TMEM132B: variants seen among roughly 807,000 people sequenced by gnomAD.
TMEM132B encodes the protein transmembrane protein 132B.
In TMEM132B, 18 loss-of-function variants were observed where a neutral mutation model predicts 90.8. The ratio of observed to expected loss-of-function variants is 0.20; its 90% CI spans 0.14 to 0.29. The LOEUF is 0.29. Ranked by LOEUF, TMEM132B falls within the 10% of genes least tolerant of loss-of-function variation. TMEM132B has a pLI of 1.00. For missense variants in TMEM132B, 1,096 were observed against 1,326.8 expected, an observed-to-expected ratio of 0.83 and a Z score of 2.70; for synonymous variants, 504 against 523.3, an observed-to-expected ratio of 0.96 and a Z score of 0.50.
intron 2 of TMEM132B, among the ~76,000 whole-genome samples, chr12:125,387,628 A>G (rs377073429): frequency 1.1e-4 from 16 of 152,338 alleles, no homozygotes; most frequent in African/African-American, 3.8e-4. Context: ...CCAGTTTGTA[A>G]ATACCACCTA....
At chr12:125,423,115 C>T (rs1478813000) in intron 3 of TMEM132B, among the ~76,000 whole-genome samples, 1 of 152,090 alleles carries the variant, frequency 6.6e-6, no homozygotes, top group Non-Finnish European at 1.5e-5. Flanking sequence ...AGAAAAGTCT[C>T]CAGGTGATTT....
chr12:125,405,797 C>G (rs146211264), intron 2 of TMEM132B, among the ~76,000 whole-genome samples: 1 of 152,236 alleles, frequency 6.6e-6, no homozygotes, highest in African/African-American at 2.4e-5. Flanking sequence ...AGGTAAAGCA[C>G]GAGAAAATTT....
intron 4 of TMEM132B, among the ~76,000 whole-genome samples, chr12:125,583,140 A>G (rs771337755): frequency 1.1e-4 from 17 of 152,212 alleles, no homozygotes; most frequent in Non-Finnish European, 1.8e-4. Context: ...CTGAGAGAAG[A>G]TGGCTTGAGT....
intron 1 of TMEM132B, among the ~76,000 whole-genome samples, chr12:125,258,675 C>T (rs192698316): frequency 1.3e-5 from 2 of 152,270 alleles, no homozygotes; most frequent in Non-Finnish European, 1.5e-5. Flanking sequence ...ATAGACCCCA[C>T]TTCTTGGTGG....
intron 3 of TMEM132B, among the ~76,000 whole-genome samples, chr12:125,417,756 A>G (rs536803621): frequency 2.2e-4 from 33 of 152,290 alleles, no homozygotes; most frequent in African/African-American, 7.0e-4. Flanking sequence ...AGCTCCCAGC[A>G]AACATCTGCT....
At chr12:125,297,010 CCTT>C (rs1875687801) in intron 1 of TMEM132B, among the ~76,000 whole-genome samples, 1 of 152,216 alleles carries the variant, frequency 6.6e-6, no homozygotes, top group Admixed American at 6.5e-5. Flanking sequence ...GTCCATCCGT[CCTT>C]CTGAGAGAGC....
At chr12:125,540,798 T>C (rs913426713) in intron 4 of TMEM132B, among the ~76,000 whole-genome samples, 2 of 152,234 alleles carry the variant, frequency 1.3e-5, no homozygotes, top group African/African-American at 4.8e-5. Context: ...CTCTGATCCA[T>C]TGTTCCACTG....
chr12:125,263,252 C>A (rs1874609817), intron 1 of TMEM132B, among the ~76,000 whole-genome samples: 1 of 152,154 alleles, frequency 6.6e-6, no homozygotes, highest in African/African-American at 2.4e-5. Context: ...GTGGAATGAA[C>A]ATTTGATGGG....
intron 1 of TMEM132B, among the ~76,000 whole-genome samples, chr12:125,285,577 G>T (rs1277318566): frequency 1.3e-5 from 2 of 152,156 alleles, no homozygotes; most frequent in African/African-American, 4.8e-5. Flanking sequence ...CAAAGCACAT[G>T]GTGAAATTTC....
chr12:125,287,544 T>C (rs751709427), intron 1 of TMEM132B, among the ~76,000 whole-genome samples: 3 of 152,234 alleles, frequency 2.0e-5, no homozygotes, highest in Non-Finnish European at 2.9e-5. Context: ...TTAATCTCCC[T>C]GCCCAAATAA....
At chr12:125,609,460 T>C (rs749415009) in intron 5 of TMEM132B, among the ~76,000 whole-genome samples, 4 of 152,142 alleles carry the variant, frequency 2.6e-5, no homozygotes, top group Non-Finnish European at 5.9e-5. Flanking sequence ...GGAATTTTGA[T>C]AGAAATTGCA....
At chr12:125,634,489 G>T (rs1886437125) in intron 5 of TMEM132B, among the ~76,000 whole-genome samples, 1 of 152,206 alleles carries the variant, frequency 6.6e-6, no homozygotes, top group Non-Finnish European at 1.5e-5. Flanking sequence ...TTCTTAAGCA[G>T]GAATCTTGTC....
In TMEM132B at chr12:125,460,258, AG is replaced by A. The variant is rs1402884656; in HGVS notation, c.1106+44583del. ...GTAATCCCAGCACTTTGGGAGGCCG[AG>A]GTGGGTGGATCACCTGAGGTCAGGA... On this transcript the variant is annotated intron_variant, in intron 3 of 8. Coordinates refer to ENST00000682704, the MANE Select transcript of TMEM132B (RefSeq NM_001366854.1). This position sits in a 1 kb window ranked among gnomAD's most constrained non-coding sequence, Gnocchi z 4.4. 6.6e-6 allele frequency among the ~76,000 whole-genome samples: 1 copy of A among 152,190 alleles called. No homozygotes were observed. The highest frequency in any genetic ancestry group is 2.4e-5 in the African/African-American group (1 of 41,464).
At chr12:125,624,871 A>G (rs1886193135) in intron 5 of TMEM132B, among the ~76,000 whole-genome samples, 1 of 152,158 alleles carries the variant, frequency 6.6e-6, no homozygotes, top group African/African-American at 2.4e-5. Context: ...TGATTAATGT[A>G]TACAGAGTAA....
intron 4 of TMEM132B, among the ~76,000 whole-genome samples, chr12:125,551,421 C>A (rs1243492770): frequency 6.6e-6 from 1 of 151,998 alleles, no homozygotes; most frequent in Non-Finnish European, 1.5e-5. Context: ...TCTTTTGTAC[C>A]AATGATGTGG....
intron 1 of TMEM132B, among the ~76,000 whole-genome samples, chr12:125,280,926 A>G (rs1351449591): frequency 6.6e-6 from 1 of 152,156 alleles, no homozygotes; most frequent in East Asian, 1.9e-4. Context: ...GAAGTGAGAA[A>G]ACGGGGGGCT....
intron 3 of TMEM132B, among the ~76,000 whole-genome samples, chr12:125,430,934 G>A (rs565948677): frequency 9.2e-5 from 14 of 152,180 alleles, no homozygotes; most frequent in Non-Finnish European, 1.8e-4. Context: ...GGAGTGTGGG[G>A]AGGAGGCAGG....
intron 1 of TMEM132B, among the ~76,000 whole-genome samples, chr12:125,191,791 C>T (rs79703590): frequency 0.045 from 6,811 of 151,862 alleles, 214 homozygotes; most frequent in African/African-American, 0.087. Context: ...TTTGGCAGGC[C>T]GAATTTTGGT....
At chr12:125,477,865 G>A (rs911741655) in intron 3 of TMEM132B, among the ~76,000 whole-genome samples, 4 of 152,058 alleles carry the variant, frequency 2.6e-5, no homozygotes, top group South Asian at 4.1e-4. Context: ...TCATACAGCC[G>A]GGTGCCCCTC....
Sources: allele counts gnomAD v4.1 joint callset (sites outside exome capture counted in the v4.1 genomes callset), GRCh38; gene constraint gnomAD v4.1.1; non-coding constraint Gnocchi (gnomAD v3.1); transcripts MANE v1.5; gene names NCBI Gene and HGNC (gene_info 2026-07-23, HGNC 2026-07-21).